The following PARP8 variants were observed in gnomAD, a reference collection of about 807,000 sequenced individuals.
PARP8 encodes poly(ADP-ribose) polymerase family member 8, also known as protein mono-ADP-ribosyltransferase PARP8.
In PARP8, 51 loss-of-function variants were observed where a neutral mutation model predicts 124.1. The observed-to-expected ratio is 0.41, with a 90% confidence interval of 0.33 to 0.52. The LOEUF is 0.52. Among genes scored for constraint, PARP8 ranks in the 20% least tolerant of loss-of-function variants. PARP8 has a pLI of 0.21. For synonymous variants in PARP8, 391 were observed against 361.5 expected, an observed-to-expected ratio of 1.08 and a Z score of -0.93; for missense variants, 860 against 1,018.9, an observed-to-expected ratio of 0.84 and a Z score of 2.12.
intron 2 of PARP8, among the ~76,000 whole-genome samples, chr5:50,692,091 A>T (rs960110129): frequency 1.3e-5 from 2 of 152,136 alleles, no homozygotes; most frequent in African/African-American, 4.8e-5. Flanking sequence ...GCTTCATTCT[A>T]TTCCATTCAA....
chr5:50,842,311 G>T lies in PARP8; in HGVS notation c.*243G>T. On this transcript the variant is annotated 3_prime_UTR_variant, in exon 26 of 26. Coordinates refer to ENST00000281631, the MANE Select transcript of PARP8 (RefSeq NM_024615.4). ...TCAACAGCACTTAAACTGAAGTTTG[G>T]GTTGCTCATACAATAAACAGATTGA... is the stretch of plus-strand genomic sequence containing the variant. The T allele has an allele frequency of 3.2e-6, 1 of 313,556 alleles. No individual in the cohort carries two copies. The allele number at this position is 313,556 out of a possible 1,614,324, so 19.4% of individuals were successfully genotyped here.
intron 18 of PARP8, among the ~76,000 whole-genome samples, 188 bp from the exon 19 acceptor site, chr5:50,826,567 C>T (rs1457632939): frequency 6.6e-6 from 1 of 152,038 alleles, no homozygotes; most frequent in East Asian, 1.9e-4. Flanking sequence ...TAAAATATTA[C>T]CTTTTTTGTT....
chr5:50,675,392 C>T (rs184888226), intron 2 of PARP8, among the ~76,000 whole-genome samples: 2 of 152,236 alleles, frequency 1.3e-5, no homozygotes, highest in African/African-American at 4.8e-5. Context: ...GCAACCTCCG[C>T]CCCCCGGGTT....
chr5:50,833,576 T>C (rs1257858012), intron 23 of PARP8: 6 of 295,006 alleles, frequency 2.0e-5, no homozygotes, highest in Admixed American at 8.8e-5. Flanking sequence ...ACCTAGTACA[T>C]GATGCTATTA....
At chr5:50,750,730 C>T (rs1343533523) in intron 3 of PARP8, among the ~76,000 whole-genome samples, 1 of 152,052 alleles carries the variant, frequency 6.6e-6, no homozygotes, top group Non-Finnish European at 1.5e-5. Flanking sequence ...AAAATACTTT[C>T]TTAAATCACA....
At chr5:50,804,686 C>A (rs1019401440) in intron 14 of PARP8, among the ~76,000 whole-genome samples, 2 of 152,044 alleles carry the variant, frequency 1.3e-5, no homozygotes, top group Non-Finnish European at 2.9e-5. Flanking sequence ...AGCATTTGTA[C>A]GCGTAATGTT....
rs922163135 is a variant in PARP8 at position 50,666,764 on chromosome 5, G to A, written c.-332G>A. 7.8e-6 allele frequency: 6 copies of A among 768,580 alleles called. No homozygotes were observed. The African/African-American group carries it at 1.1e-4, about 15-fold the overall frequency. 47.6% of individuals were successfully genotyped at this position (768,580 alleles called of 1,614,324 possible). On this transcript the variant is annotated 5_prime_UTR_variant, in exon 1 of 26. Coordinates refer to ENST00000281631, the MANE Select transcript of PARP8 (RefSeq NM_024615.4). ...CTGTCCCCGGCACCTCGGCCCCCAC[G>A]GCCGTTGGTCCGGGCGGGTGAGGGA...
chr5:50,680,833 C>A (rs1239789580), intron 2 of PARP8, among the ~76,000 whole-genome samples: 3 of 152,130 alleles, frequency 2.0e-5, no homozygotes, highest in Non-Finnish European at 4.4e-5. Context: ...TAGATCCATT[C>A]AGCTTTGTAT....
In PARP8 at chr5:50,796,965, TA is replaced by T; in HGVS notation, c.1429-16del. The T allele has an allele frequency of 6.3e-7, 1 of 1,598,844 alleles. No homozygotes were observed. The highest frequency in any genetic ancestry group is 8.5e-7 in the Non-Finnish European group (1 of 1,173,712). ...ATTTAAAAAAATTATCATTTTTTTT[TA>T]CTTTGCTTTTTATAGCCAAATGGTG... On this transcript the variant is annotated splice_polypyrimidine_tract_variant and intron_variant, in intron 12 of 25. Transcript: ENST00000281631.
At chr5:50,667,337 A>G in intron 1 of PARP8, 151 bp downstream of exon 1, 1 of 842,182 alleles carries the variant, frequency 1.2e-6, no homozygotes, top group Non-Finnish European at 1.9e-6. Context: ...GCGGGAGCCA[A>G]AAGGGGGAGG....
intron 2 of PARP8, among the ~76,000 whole-genome samples, chr5:50,719,180 T>G (rs1313114777): frequency 6.6e-6 from 1 of 152,106 alleles, no homozygotes; most frequent in Non-Finnish European, 1.5e-5. Context: ...CTTTATTGAG[T>G]TGTTTAAGCT....
intron 2 of PARP8, among the ~76,000 whole-genome samples, chr5:50,739,971 G>A (rs1757879147): frequency 6.6e-6 from 1 of 151,644 alleles, no homozygotes; most frequent in Non-Finnish European, 1.5e-5. Flanking sequence ...GGCTGGTCTT[G>A]AACTCCTGAC....
At chr5:50,774,812 G>A (rs995888760) in intron 7 of PARP8, among the ~76,000 whole-genome samples, 1 of 145,428 alleles carries the variant, frequency 6.9e-6, no homozygotes, top group Admixed American at 6.9e-5. Context: ...AGACGAGGCG[G>A]CCGGGCAGAG....
intron 2 of PARP8, among the ~76,000 whole-genome samples, chr5:50,706,373 A>T (rs887986023): frequency 6.6e-6 from 1 of 151,970 alleles, no homozygotes; most frequent in Admixed American, 6.6e-5. Flanking sequence ...TGGGATGTAG[A>T]AGTTTTCATG....
At chr5:50,690,675 A>T (rs986851454) in intron 2 of PARP8, among the ~76,000 whole-genome samples, 1 of 152,066 alleles carries the variant, frequency 6.6e-6, no homozygotes, top group Non-Finnish European at 1.5e-5. Flanking sequence ...AGATCTATTC[A>T]CCTAGTCCAA....
chr5:50,667,950 A>G lies in PARP8; in HGVS notation c.92-121A>G, dbSNP rs1321647237. The G allele has an allele frequency of 5.7e-6, 9 of 1,587,212 alleles. No homozygotes were observed. In the East Asian group the frequency reaches 2.0e-4, roughly 36 times the overall value. On this transcript the variant is annotated intron_variant, in intron 1 of 25. Coordinates refer to ENST00000281631, the MANE Select transcript of PARP8 (RefSeq NM_024615.4). ...GCGCAGAGGGACCTCGCCGCCCTCTAGCCCTTGCCTTCTGCCCGGCCAGGC... is the reference window on the plus strand; with the variant it reads ...GCGCAGAGGGACCTCGCCGCCCTCTGGCCCTTGCCTTCTGCCCGGCCAGGC...
chr5:50,668,758 A>G (rs2149427272), intron 2 of PARP8: 1 of 152,384 alleles, frequency 6.6e-6, no homozygotes, highest in South Asian at 2.1e-4. Flanking sequence ...GAATTTAGGA[A>G]GTAGAGTTAA....
chr5:50,727,123 C>T (rs1756507174), intron 2 of PARP8, among the ~76,000 whole-genome samples: 1 of 152,138 alleles, frequency 6.6e-6, no homozygotes, highest in South Asian at 2.1e-4. Context: ...CAGGGCATAG[C>T]TCTGATAATA....
At chr5:50,709,295 A>G (rs914503810) in intron 2 of PARP8, among the ~76,000 whole-genome samples, 4 of 151,976 alleles carry the variant, frequency 2.6e-5, no homozygotes, top group African/African-American at 7.2e-5. Context: ...AAGTTTTGAC[A>G]TATTTTAAAT....
Sources: allele counts gnomAD v4.1 joint callset (sites outside exome capture counted in the v4.1 genomes callset), GRCh38; gene constraint gnomAD v4.1.1; transcripts MANE v1.5; gene names NCBI Gene and HGNC (gene_info 2026-07-23, HGNC 2026-07-21).